Variants in TBCD observed in about 807,000 individuals in gnomAD.
TBCD encodes the protein tubulin-specific chaperone D.
Under a neutral mutation model 169.3 loss-of-function variants are expected in TBCD, and 105 were observed. That is an observed-to-expected ratio of 0.62 (90% CI 0.53 to 0.73). The LOEUF is 0.73. Among genes scored for constraint, TBCD ranks in the 30% least tolerant of loss-of-function variants. TBCD has a pLI of 0.00. For missense variants in TBCD, 1,444 were observed against 1,600.1 expected (o/e 0.90, Z 1.66); for synonymous variants, 700 against 643.9 (o/e 1.09, Z -1.32).
At chr17:82,925,083 G>T (rs369189257) in intron 27 of TBCD, 26 bp downstream of exon 27, 2 of 1,525,780 alleles carry the variant, frequency 1.3e-6, no homozygotes, top group South Asian at 2.4e-5. Flanking sequence ...CGCAGTGGAC[G>T]GGGCCTAGGG....
chr17:82,883,258 C>A (rs1168132022), intron 14 of TBCD, among the ~76,000 whole-genome samples: 9 of 152,240 alleles, frequency 5.9e-5, no homozygotes, highest in African/African-American at 2.2e-4. Context: ...CCTTGGAGGC[C>A]GCTTATCTCC....
At chr17:82,827,896 A>G (rs1157287553) in intron 13 of TBCD, among the ~76,000 whole-genome samples, 7 of 126,160 alleles carry the variant, frequency 5.5e-5, no homozygotes, top group Non-Finnish European at 8.1e-5. Flanking sequence ...CACCCACACA[A>G]TCTAATGCAC....
chr17:82,795,424 A>G (rs1280173598), intron 7 of TBCD: 7 of 484,082 alleles, frequency 1.4e-5, no homozygotes, highest in Non-Finnish European at 1.9e-5. Context: ...CCACAGCTGC[A>G]CAGCTGCTCT....
At chr17:82,895,768 G>C (rs534481571) in intron 17 of TBCD, 16 of 152,312 alleles carry the variant, frequency 1.1e-4, no homozygotes, top group African/African-American at 3.9e-4. Context: ...GCTTGCACGT[G>C]CTGGCCTGCG....
At chr17:82,771,628 A>T (rs1259723097) in intron 5 of TBCD, among the ~76,000 whole-genome samples, 1 of 152,300 alleles carries the variant, frequency 6.6e-6, no homozygotes, top group African/African-American at 2.4e-5. Flanking sequence ...CATATTGACC[A>T]GGCTGGTCTC....
At chr17:82,865,801 A>G (rs2057130212) in intron 13 of TBCD, among the ~76,000 whole-genome samples, 1 of 152,190 alleles carries the variant, frequency 6.6e-6, no homozygotes, top group Non-Finnish European at 1.5e-5. Flanking sequence ...TTGGGGTCAC[A>G]TATTGCAGTG....
In TBCD at chr17:82,930,291, T is replaced by G; in HGVS notation, c.2992-231T>G. On this transcript the variant is annotated intron_variant, in intron 32 of 38. Transcript: ENST00000355528. This position sits in a 1 kb window ranked among gnomAD's most constrained non-coding sequence, Gnocchi z 5.2. ...CACGTGCTCTCCCGCATGTCCTAAGTGAGGGCTCAGGCTGAGCTGCCGTTG... is the reference window on the plus strand; with the variant it reads ...CACGTGCTCTCCCGCATGTCCTAAGGGAGGGCTCAGGCTGAGCTGCCGTTG... The G allele has an allele frequency of 5.4e-6, 3 of 560,268 alleles. No homozygotes were observed. Among genetic ancestry groups the G allele is most frequent in the South Asian group, 4.8e-5 (2 of 42,038 alleles). The allele number at this position is 560,268 out of a possible 1,614,324, so 34.7% of individuals were successfully genotyped here.
chr17:82,813,892 G>C (rs1309705812), intron 12 of TBCD, among the ~76,000 whole-genome samples: 1 of 152,200 alleles, frequency 6.6e-6, no homozygotes, highest in Non-Finnish European at 1.5e-5. Context: ...GGCTGGGCAC[G>C]CAGGAGGTGA....
At chr17:82,860,331 C>T in intron 13 of TBCD, 1 of 975,040 alleles carries the variant, frequency 1.0e-6, no homozygotes. Flanking sequence ...CCCCTCCCCT[C>T]TGGTGGCCTT....
chr17:82,862,213 C>T (rs767358085), intron 13 of TBCD, among the ~76,000 whole-genome samples: 9 of 152,112 alleles, frequency 5.9e-5, no homozygotes, highest in Non-Finnish European at 1.0e-4. Context: ...TGAGCCACTG[C>T]GCCCGGCCAA....
At chr17:82,854,861 C>T (rs999586012) in intron 13 of TBCD, among the ~76,000 whole-genome samples, 1 of 152,204 alleles carries the variant, frequency 6.6e-6, no homozygotes, top group Non-Finnish European at 1.5e-5. Flanking sequence ...ACACAAGCCA[C>T]TTAACAGTGC....
intron 13 of TBCD, among the ~76,000 whole-genome samples, chr17:82,868,146 C>T (rs867205159): frequency 3.9e-5 from 6 of 152,064 alleles, no homozygotes; most frequent in East Asian, 1.9e-4. Context: ...GGGAATGGCG[C>T]GGTGTCTGGA....
In TBCD at chr17:82,853,514, G is replaced by T. The variant is rs1036583105; in HGVS notation, c.1319-16710G>T. 3.7e-4 allele frequency among the ~76,000 whole-genome samples: 56 copies of T among 151,300 alleles called. 1 individual carries two copies. Among genetic ancestry groups the T allele is most frequent in the Non-Finnish European group, 6.9e-4 (47 of 67,842 alleles). ...AACTCATGGGCTAGATCCATCCCCT[G>T]ACCTCAGCCTCACAAGTAGCTGAGA... On this transcript the variant is annotated intron_variant, in intron 13 of 38. Transcript: ENST00000355528.
At chr17:82,886,652 TCCC>T (rs2058725559) in intron 15 of TBCD, among the ~76,000 whole-genome samples, 1 of 2,170 alleles carries the variant, frequency 4.6e-4, no homozygotes, top group Non-Finnish European at 1.2e-3. Context: ...TCCCCTCCCC[TCCC>T]CTCCCCTCCC....
intron 6 of TBCD, among the ~76,000 whole-genome samples, chr17:82,778,745 T>G (rs1417745393): frequency 1.4e-5 from 2 of 147,912 alleles, no homozygotes; most frequent in Admixed American, 1.4e-4. Flanking sequence ...CCACTGAACC[T>G]CTGCCTCCCT....
intron 13 of TBCD, among the ~76,000 whole-genome samples, chr17:82,823,600 T>C (rs1446371564): frequency 6.6e-6 from 1 of 151,208 alleles, no homozygotes; most frequent in Admixed American, 6.6e-5. Context: ...CAGACGGCAG[T>C]GGGCCCCCGT....
rs2063403690 is a variant in TBCD, at chr17:82,942,436, G to C, written c.3565-13G>C. ...GAGCTGACCAGCCTGAGCTTGTCTT[G>C]TCTCTTCTTCAGCCTGGTGCCTGCT... On this transcript the variant is annotated splice_polypyrimidine_tract_variant and intron_variant, in intron 38 of 38. Transcript: ENST00000355528. The C allele has an allele frequency of 6.2e-7, 1 of 1,613,628 alleles. No individual in the cohort carries two copies. Among genetic ancestry groups the C allele is most frequent in the Non-Finnish European group, 8.5e-7 (1 of 1,179,590 alleles).
intron 13 of TBCD, among the ~76,000 whole-genome samples, chr17:82,844,882 A>G (rs1334995401): frequency 6.6e-6 from 1 of 152,112 alleles, no homozygotes; most frequent in East Asian, 1.9e-4. Flanking sequence ...GCACTGGTCC[A>G]TTTACTCAGA....
chr17:82,940,949 CCTTT>C (rs2063164638), intron 37 of TBCD, among the ~76,000 whole-genome samples: 2 of 152,134 alleles, frequency 1.3e-5, no homozygotes, highest in Admixed American at 6.5e-5. Flanking sequence ...CGTTTAATCC[CCTTT>C]CTGTTAAAAA....
Sources: gnomAD v4.1 joint callset for allele counts (sites outside exome capture counted in the v4.1 genomes callset) on GRCh38, gnomAD v4.1.1 for gene constraint, Gnocchi (gnomAD v3.1) non-coding constraint, MANE v1.5 for transcripts, NCBI Gene and HGNC (gene_info 2026-07-23, HGNC 2026-07-21) for gene names.